The following PDE1C variants were observed in gnomAD, a reference collection of about 807,000 sequenced individuals.
PDE1C encodes phosphodiesterase 1C, also known as dual specificity calcium/calmodulin-dependent 3',5'-cyclic nucleotide phosphodiesterase 1C.
PDE1C carries 62 observed loss-of-function variants against 93.1 expected under a neutral mutation model. The observed-to-expected ratio is 0.67, with a 90% CI of 0.54 to 0.82. The LOEUF (loss-of-function observed/expected upper bound fraction) is 0.82. Ranked by LOEUF, PDE1C falls within the 40% of genes least tolerant of loss-of-function variation. The pLI is 0.00. For synonymous variants in PDE1C, 325 were observed against 310.1 expected, an observed-to-expected ratio of 1.05 and a Z score of -0.50; for missense variants, 742 against 884.6, an observed-to-expected ratio of 0.84 and a Z score of 2.04.
chr7:32,168,746 C>A (rs2128803899), intron 3 of PDE1C, among the ~76,000 whole-genome samples: 1 of 152,288 alleles, frequency 6.6e-6, no homozygotes, highest in Admixed American at 6.5e-5. Context: ...ATAAAGAAAT[C>A]CAAACCCCTA....
the PDE1C span, among the ~76,000 whole-genome samples, chr7:31,671,143 G>A: frequency 6.6e-6 from 1 of 152,122 alleles, no homozygotes; most frequent in Non-Finnish European, 1.5e-5. Context: ...GAGTGCAGCC[G>A]CAAAAGGCTG....
intron 1 of PDE1C, among the ~76,000 whole-genome samples, chr7:32,267,725 G>A (rs1373847089): frequency 6.6e-6 from 1 of 151,854 alleles, no homozygotes; most frequent in Non-Finnish European, 1.5e-5. Context: ...ACAATGAGAT[G>A]AAACCCCCTC....
intron 11 of PDE1C, among the ~76,000 whole-genome samples, chr7:31,833,742 G>A (rs757895039): frequency 3.3e-5 from 5 of 152,202 alleles, no homozygotes; most frequent in Non-Finnish European, 5.9e-5. Flanking sequence ...GGTAACTTGG[G>A]TGCTGTTAAA....
At chr7:31,872,894 A>G (rs1235155845) in intron 6 of PDE1C, among the ~76,000 whole-genome samples, 1 of 152,194 alleles carries the variant, frequency 6.6e-6, no homozygotes, top group African/African-American at 2.4e-5. Context: ...GGTGGGAAAA[A>G]AAAAAGTTTA....
intron 2 of PDE1C, among the ~76,000 whole-genome samples, chr7:31,913,934 T>C (rs1801570030): frequency 6.6e-6 from 1 of 152,166 alleles, no homozygotes; most frequent in Non-Finnish European, 1.5e-5. Context: ...TCCGCCCACA[T>C]CTCAGGGTTG....
At chr7:32,068,280 C>T (rs989428355) in intron 1 of PDE1C, among the ~76,000 whole-genome samples, 27 of 152,150 alleles carry the variant, frequency 1.8e-4, no homozygotes, top group African/African-American at 4.6e-4. Context: ...ATTTTGTGGA[C>T]GGCAAAGTGT....
chr7:31,992,932 T>C (rs12701169), intron 2 of PDE1C, among the ~76,000 whole-genome samples: 23,508 of 152,182 alleles, frequency 0.15, 2,176 homozygotes, highest in Non-Finnish European at 0.21. Context: ...GCATTTTATA[T>C]GGAACATAAT....
intron 3 of PDE1C, among the ~76,000 whole-genome samples, chr7:32,082,823 A>G (rs1277313478): frequency 6.6e-6 from 1 of 152,124 alleles, no homozygotes; most frequent in Non-Finnish European, 1.5e-5. Context: ...TAACAAACAG[A>G]AAGGACATCC....
intron 2 of PDE1C, among the ~76,000 whole-genome samples, chr7:32,205,204 T>G (rs577469423): frequency 3.3e-5 from 5 of 152,350 alleles, no homozygotes; most frequent in Admixed American, 6.5e-5. Context: ...TCTCCTGGAC[T>G]CTAGTCCTTC....
At chr7:32,425,614 T>C (rs1012073995) in intron 1 of PDE1C, among the ~76,000 whole-genome samples, 3 of 152,208 alleles carry the variant, frequency 2.0e-5, no homozygotes, top group Non-Finnish European at 2.9e-5. Context: ...TCTGGCATTA[T>C]AAATGTGTGA....
chr7:31,685,991 G>A, the PDE1C span, among the ~76,000 whole-genome samples: 1 of 152,192 alleles, frequency 6.6e-6, no homozygotes, highest in African/African-American at 2.4e-5. Context: ...TGTTATTTGG[G>A]ATCCTGGCAA....
the PDE1C span, among the ~76,000 whole-genome samples, chr7:31,620,864 A>C: frequency 4.8e-3 from 732 of 152,220 alleles, 3 homozygotes; most frequent in Non-Finnish European, 8.6e-3. Context: ...TTTGAAAAAA[A>C]TTTAGACGAA....
At chr7:32,375,947 A>T (rs972210926) in intron 1 of PDE1C, among the ~76,000 whole-genome samples, 1 of 152,216 alleles carries the variant, frequency 6.6e-6, no homozygotes, top group African/African-American at 2.4e-5. Flanking sequence ...CTTTGAGGTC[A>T]GGAGTTTGAG....
At chr7:32,411,204 A>T (rs1278329433) in intron 1 of PDE1C, among the ~76,000 whole-genome samples, 2 of 152,208 alleles carry the variant, frequency 1.3e-5, no homozygotes. Context: ...AATTAAATGA[A>T]AATCAAATCA....
intron 2 of PDE1C, among the ~76,000 whole-genome samples, chr7:32,038,216 C>T (rs1791366194): frequency 6.6e-6 from 1 of 152,106 alleles, no homozygotes; most frequent in African/African-American, 2.4e-5. Context: ...GTTTTGCCTT[C>T]ACAGCCTTGA....
chr7:32,258,974 C>T (rs958361528), intron 1 of PDE1C, among the ~76,000 whole-genome samples: 1 of 152,280 alleles, frequency 6.6e-6, no homozygotes, highest in East Asian at 1.9e-4. Context: ...GTCCATGGTG[C>T]GCCCAGGACT....
At chr7:32,070,867 G>C (rs970048294), upstream of PDE1C, 22 of 986,144 alleles carry the variant, frequency 2.2e-5, no homozygotes, top group African/African-American at 3.0e-4. Context: ...GAGCCGGCGC[G>C]GGCGGTGGGG....
intron 16 of PDE1C, among the ~76,000 whole-genome samples, chr7:31,800,184 T>C (rs1037659250): frequency 3.3e-5 from 5 of 151,580 alleles, no homozygotes; most frequent in African/African-American, 1.2e-4. Context: ...AACAAATATA[T>C]GTTTTGCAAA....
the PDE1C span, among the ~76,000 whole-genome samples, chr7:31,672,298 G>A: frequency 6.6e-6 from 1 of 152,084 alleles, no homozygotes; most frequent in Non-Finnish European, 1.5e-5. Flanking sequence ...GTTGTTTCAT[G>A]GCTGTATTAT....
Sources: allele counts gnomAD v4.1 joint callset (sites outside exome capture counted in the v4.1 genomes callset), GRCh38; gene constraint gnomAD v4.1.1; transcripts MANE v1.5; gene names NCBI Gene and HGNC (gene_info 2026-07-23, HGNC 2026-07-21).